MTMR9: variants seen among roughly 807,000 people sequenced by gnomAD.
MTMR9 encodes myotubularin related protein 9, also known as myotubularin-related protein 9.
A neutral mutation model predicts 69.5 loss-of-function variants in MTMR9; 39 were observed. The ratio of observed to expected loss-of-function variants is 0.56; its 90% confidence interval spans 0.43 to 0.73. The LOEUF (loss-of-function observed/expected upper bound fraction) is 0.73. Ranked by LOEUF, MTMR9 falls within the 30% of genes least tolerant of loss-of-function variation. The probability of loss-of-function intolerance (pLI) is 0.00; values close to 1 mark genes in which losing one functional copy is unlikely to be tolerated. For synonymous variants in MTMR9, 354 were observed against 240.8 expected (o/e 1.47, Z -4.35); for missense variants, 900 against 671.2 (o/e 1.34, Z -3.77).
downstream of MTMR9, among the ~76,000 whole-genome samples, chr8:11,329,470 C>T (rs535854252): frequency 2.0e-5 from 3 of 152,386 alleles, no homozygotes; most frequent in East Asian, 1.9e-4. Context: ...CGCGCCGCCA[C>T]GCCTGACTGG....
intron 7 of MTMR9, 152 bp downstream of exon 7, chr8:11,315,216 CT>C: frequency 1.0e-6 from 1 of 960,720 alleles, no homozygotes; most frequent in South Asian, 1.6e-5. Flanking sequence ...CTGTCTTCTC[CT>C]TGTTTCTGGA....
intron 9 of MTMR9, chr8:11,320,781 A>C (rs907666932): frequency 2.6e-5 from 4 of 152,228 alleles, no homozygotes; most frequent in African/African-American, 4.8e-5. Context: ...TGAACTATAT[A>C]GTGTTTCATT....
chr8:11,330,572 G>A (rs947023234), downstream of MTMR9, among the ~76,000 whole-genome samples: 1 of 152,142 alleles, frequency 6.6e-6, no homozygotes, highest in Non-Finnish European at 1.5e-5. Context: ...TTCTGTACTG[G>A]GAGGGGTTCT....
At chr8:11,335,439 T>G in the MTMR9 span, among the ~76,000 whole-genome samples, 1 of 152,218 alleles carries the variant, frequency 6.6e-6, no homozygotes, top group African/African-American at 2.4e-5. Context: ...AATATAGAGA[T>G]ATTCTATGTT....
At chr8:11,293,686 G>C (rs567648958) in intron 1 of MTMR9, among the ~76,000 whole-genome samples, 1 of 151,348 alleles carries the variant, frequency 6.6e-6, no homozygotes, top group African/African-American at 2.4e-5. Flanking sequence ...TTATAGCTTT[G>C]GGTTTTACAT....
At chr8:11,318,830 G>T (rs1384521486) in intron 8 of MTMR9, 1 of 152,092 alleles carries the variant, frequency 6.6e-6, no homozygotes, top group African/African-American at 2.4e-5. Context: ...TTCCCTAAAA[G>T]CTAAGTCTCT....
chr8:11,292,997 T>C (rs756686681), intron 1 of MTMR9, among the ~76,000 whole-genome samples: 10 of 152,258 alleles, frequency 6.6e-5, no homozygotes, highest in Non-Finnish European at 1.5e-4. Flanking sequence ...ATACTGCTTA[T>C]ACTTCTAAAA....
intron 2 of MTMR9, among the ~76,000 whole-genome samples, chr8:11,296,747 T>C (rs140163455): frequency 2.2e-4 from 34 of 152,330 alleles, no homozygotes; most frequent in African/African-American, 8.2e-4. Flanking sequence ...TTGTTATGGA[T>C]GCATGTGGTG....
At chr8:11,329,558 C>G (rs911420460), downstream of MTMR9, among the ~76,000 whole-genome samples, 1 of 152,244 alleles carries the variant, frequency 6.6e-6, no homozygotes, top group African/African-American at 2.4e-5. Context: ...GCGAGTGATC[C>G]GCCAGCCTCG....
At chr8:11,293,070 A>G (rs1164263426) in intron 1 of MTMR9, among the ~76,000 whole-genome samples, 2 of 152,246 alleles carry the variant, frequency 1.3e-5, no homozygotes, top group Non-Finnish European at 2.9e-5. Flanking sequence ...AGAAGGCATT[A>G]TCATCACAGG....
At chr8:11,306,498 T>G (rs1799946377) in intron 5 of MTMR9, 91 bp downstream of exon 5, 5 of 1,174,862 alleles carry the variant, frequency 4.3e-6, no homozygotes, top group Non-Finnish European at 6.1e-6. Context: ...AGTGCTCAAA[T>G]TAACTTCTGC....
intron 8 of MTMR9, chr8:11,318,724 A>C (rs1800531987): frequency 6.6e-6 from 1 of 152,198 alleles, no homozygotes; most frequent in Non-Finnish European, 1.5e-5. Context: ...AAGCCTGTTC[A>C]TTGTATGTGG....
chr8:11,294,593 C>T (rs900660368), intron 1 of MTMR9, among the ~76,000 whole-genome samples: 9 of 147,050 alleles, frequency 6.1e-5, no homozygotes, highest in African/African-American at 2.4e-4. Context: ...CCTCTGCCTC[C>T]CGGGTTCAAG....
At chr8:11,303,088 T>G (rs781212519) in intron 3 of MTMR9, among the ~76,000 whole-genome samples, 6 of 151,046 alleles carry the variant, frequency 4.0e-5, no homozygotes, top group Non-Finnish European at 8.8e-5. Flanking sequence ...CAGTTGGTTT[T>G]TATATTGAAT....
chr8:11,300,127 A>G lies in MTMR9; in HGVS notation c.396A>G (p.Glu132=), dbSNP rs1299091933. The change falls in exon 3 of 10, where the codon GAA becomes GAG. Residue 132 remains glutamate (E), a synonymous_variant. Transcript: ENST00000221086. ...DGWHSFLPEQ[E]FELYSSATSE... The stretch of plus-strand genomic sequence containing the variant: ...GGCATTCCTTCCTTCCTGAGCAAGA[A>G]TTTGAACTCTATTCTTCAGCTGTGA... The G allele has an allele frequency of 3.7e-6, 6 of 1,613,252 alleles. No homozygotes were observed. Among genetic ancestry groups the G allele is most frequent in the Non-Finnish European group, 4.2e-6 (5 of 1,179,502 alleles).
chr8:11,321,392 C>G (rs750958053), intron 9 of MTMR9: 8 of 456,074 alleles, frequency 1.8e-5, no homozygotes, highest in Admixed American at 2.4e-5. Flanking sequence ...TACTTAAAGC[C>G]ACTGTCACAT....
At chr8:11,313,024 G>T (rs1010246396) in intron 6 of MTMR9, among the ~76,000 whole-genome samples, 2 of 152,196 alleles carry the variant, frequency 1.3e-5, no homozygotes, top group African/African-American at 4.8e-5. Flanking sequence ...TGTCATGCAG[G>T]CTTCATTGTT....
chr8:11,305,256 C>G (rs926406165), intron 4 of MTMR9, among the ~76,000 whole-genome samples: 1 of 152,142 alleles, frequency 6.6e-6, no homozygotes, highest in African/African-American at 2.4e-5. Flanking sequence ...AGCTTTATCT[C>G]CAGGACACTA....
At chr8:11,330,578 G>T (rs1244304131), downstream of MTMR9, among the ~76,000 whole-genome samples, 4 of 152,218 alleles carry the variant, frequency 2.6e-5, no homozygotes, top group East Asian at 5.8e-4. Flanking sequence ...ACTGGGAGGG[G>T]TTCTTCTGCC....
Sources: allele counts gnomAD v4.1 joint callset (sites outside exome capture counted in the v4.1 genomes callset), GRCh38; gene constraint gnomAD v4.1.1; transcripts MANE v1.5; gene names NCBI Gene and HGNC (gene_info 2026-07-23, HGNC 2026-07-21).